The following AKAP8L variants were observed in gnomAD, a reference collection of about 807,000 sequenced individuals.
AKAP8L encodes A-kinase anchor protein 8-like.
In AKAP8L, 34 loss-of-function variants were observed where a neutral mutation model predicts 77.5. The observed-to-expected ratio is 0.44, with a 90% CI of 0.33 to 0.58. The LOEUF is 0.58. AKAP8L is among the 20% of genes least tolerant of loss of function. AKAP8L has a pLI of 0.02. For missense variants in AKAP8L, 806 were observed against 887.6 expected (o/e 0.91, Z 1.17); for synonymous variants, 342 against 340.7 (o/e 1.00, Z -0.04).
intron 12 of AKAP8L, among the ~76,000 whole-genome samples, chr19:15,383,993 C>G (rs1463933885): frequency 1.6e-5 from 2 of 128,282 alleles, no homozygotes; most frequent in Non-Finnish European, 3.1e-5. Context: ...AATGCAGTGG[C>G]ATGATCTCAG....
Position 15,399,607 on chromosome 19 carries a change from T to TG in AKAP8L, c.1049-198dup. 3.4e-6 allele frequency: 2 copies of TG among 591,990 alleles called. No homozygotes were observed. Among genetic ancestry groups the TG allele is most frequent in the Non-Finnish European group, 6.0e-6 (2 of 331,068 alleles). 36.7% of individuals were successfully genotyped at this position (591,990 alleles called of 1,614,324 possible). On this transcript the variant is annotated intron_variant, in intron 8 of 13. Coordinates refer to ENST00000397410, the MANE Select transcript of AKAP8L (RefSeq NM_014371.4). This position sits in a 1 kb window ranked among gnomAD's most constrained non-coding sequence, Gnocchi z 6.1. ...TGGGTTTGGCCTAGGCCCCAAGGAG[T>TG]GGGGGCCAGGCGATGACCCCTCCAC...
At chr19:15,383,456 A>G (rs541780334) in intron 12 of AKAP8L, 2 of 152,216 alleles carry the variant, frequency 1.3e-5, no homozygotes, top group Non-Finnish European at 2.9e-5. Flanking sequence ...AGCCTCCCAA[A>G]GTGCTGGGAT....
chr19:15,406,418 T>C (rs1246691377), intron 2 of AKAP8L, among the ~76,000 whole-genome samples: 1 of 135,868 alleles, frequency 7.4e-6, no homozygotes, highest in Non-Finnish European at 1.6e-5. Context: ...TTAAAATTTA[T>C]ATATTTATTA....
chr19:15,400,589 C>G, intron 7 of AKAP8L: 1 of 736,756 alleles, frequency 1.4e-6, no homozygotes, highest in Admixed American at 2.5e-5. Context: ...ACCTGGTGCA[C>G]AGGGGCTCAT....
Position 15,401,088 on chromosome 19 carries a change from G to C in AKAP8L, c.817-45C>G, listed in dbSNP as rs372876331. The C allele has an allele frequency of 1.9e-6, 3 of 1,607,708 alleles. No individual in the cohort carries two copies. The highest frequency in any genetic ancestry group is 1.7e-5 in the Admixed American group (1 of 59,998). ...AGCCGTGTCAGGGTGCATGGCACCC[G>C]GCCCTTAGCTCCGCCCCAGTGGGAA... On this transcript the variant is annotated intron_variant, in intron 5 of 13. Coordinates refer to ENST00000397410, the MANE Select transcript of AKAP8L (RefSeq NM_014371.4). The surrounding 1 kb of genome is among the most constrained non-coding windows in gnomAD (Gnocchi z 6.2).
At chr19:15,386,035 C>T (rs1008061147) in intron 12 of AKAP8L, among the ~76,000 whole-genome samples, 1 of 151,710 alleles carries the variant, frequency 6.6e-6, no homozygotes. Context: ...CTCAGCCTCT[C>T]GAGTAGCTGG....
At chr19:15,400,153 C>A in intron 8 of AKAP8L, 142 bp downstream of exon 8, 1 of 807,428 alleles carries the variant, frequency 1.2e-6, no homozygotes, top group South Asian at 1.5e-5. Context: ...AAAAGAAAGC[C>A]CCCTGCCAGC....
chr19:15,384,547 G>T (rs999843056), intron 12 of AKAP8L, among the ~76,000 whole-genome samples: 1 of 151,160 alleles, frequency 6.6e-6, no homozygotes, highest in Non-Finnish European at 1.5e-5. Context: ...CAATCCACCC[G>T]CCTCAGCCTC....
At position 15,403,293 on chromosome 19, in the gene AKAP8L, G is replaced by A. The variant is rs1048717535; in HGVS notation, c.362+182C>T. ...ACCAGGCAGTGCGGCAGGGGTTGAG[G>A]GTGGGTGAGAGGAGACACAAGTCAG... On this transcript the variant is annotated intron_variant, in intron 4 of 13. Coordinates refer to ENST00000397410, the MANE Select transcript of AKAP8L (RefSeq NM_014371.4). The surrounding 1 kb of genome is among the most constrained non-coding windows in gnomAD (Gnocchi z 4.3). 3.2e-6 allele frequency: 2 copies of A among 620,940 alleles called. No homozygotes were observed. Among genetic ancestry groups the A allele is most frequent in the South Asian group, 1.9e-5 (1 of 53,080 alleles). The allele number at this position is 620,940 out of a possible 1,614,324, so 38.5% of individuals were successfully genotyped here.
chr19:15,401,262 C>A lies in AKAP8L; in HGVS notation c.704G>T (p.Gly235Val), dbSNP rs1375568763. The change falls in exon 5 of 14, where the codon GGC (glycine) becomes GTC (valine). Residue 235 changes from glycine to valine, a missense_variant. By Grantham distance (109) the Gly-to-Val change is moderately radical (BLOSUM62 -3). Around this residue, in one of 2 missense-constraint regions of AKAP8L, gnomAD observed 580 missense variants for 694.1 expected, o/e 0.84. Coordinates refer to ENST00000397410, the MANE Select transcript of AKAP8L (RefSeq NM_014371.4). The surrounding 1 kb of genome is among the most constrained non-coding windows in gnomAD (Gnocchi z 6.2). ...NIIPEYGMFQ[G>V]MRGGGAFPGG... ...CGGGAAGGCGCCCCCACCTCGCATGCCCTGGAACATGCCGTACTCGGGGAT... is the reference window on the plus strand; with the variant it reads ...CGGGAAGGCGCCCCCACCTCGCATGACCTGGAACATGCCGTACTCGGGGAT... 2.5e-6 allele frequency: 4 copies of A among 1,613,874 alleles called. No individual in the cohort carries two copies. The highest frequency in any genetic ancestry group is 3.4e-6 in the Non-Finnish European group (4 of 1,179,890).
chr19:15,382,726 C>T (rs938525004), intron 12 of AKAP8L, among the ~76,000 whole-genome samples: 5 of 152,210 alleles, frequency 3.3e-5, no homozygotes, highest in Non-Finnish European at 7.3e-5. Context: ...CAGCTACTCT[C>T]ATGAGGCTGA....
intron 12 of AKAP8L, among the ~76,000 whole-genome samples, chr19:15,388,006 C>T (rs779830777): frequency 5.3e-5 from 8 of 151,928 alleles, no homozygotes; most frequent in Non-Finnish European, 1.2e-4. Flanking sequence ...TATAAAGGAG[C>T]CCAAATTTAA....
chr19:15,404,762 T>C (rs1967964597), intron 2 of AKAP8L, among the ~76,000 whole-genome samples: 1 of 152,178 alleles, frequency 6.6e-6, no homozygotes, highest in Non-Finnish European at 1.5e-5. Flanking sequence ...GCAGAGGACA[T>C]GCTCATCCCA....
In AKAP8L at chr19:15,397,363, C is replaced by A; in HGVS notation, c.1406-83G>T. On this transcript the variant is annotated intron_variant, in intron 11 of 13. Coordinates refer to ENST00000397410, the MANE Select transcript of AKAP8L (RefSeq NM_014371.4). This position sits in a 1 kb window ranked among gnomAD's most constrained non-coding sequence, Gnocchi z 4.7. ...GTTCGAGAAAAAAACCACACCAGCT[C>A]CTCCTCAACTCGCCCTGCCACTTCC... 1 of 1,552,146 alleles carries A rather than the reference C, an allele frequency of 6.4e-7. No individual in the cohort carries two copies. Among genetic ancestry groups the A allele is most frequent in the Non-Finnish European group, 8.8e-7 (1 of 1,139,278 alleles).
chr19:15,401,210 A>T lies in AKAP8L; in HGVS notation c.756T>A (p.Phe252Leu). ...FPGGSRFGFG[F>L]GNGMKQMRRT... ...GCCTCATCTGCTTCATGCCATTGCCAAACCCGAAACCAAAGCGGGAGCCGC... is the reference window on the plus strand; with the variant it reads ...GCCTCATCTGCTTCATGCCATTGCCTAACCCGAAACCAAAGCGGGAGCCGC... The change falls in exon 5 of 14, where the codon TTT becomes TTA. Residue 252 changes from phenylalanine (F) to leucine (L), a missense_variant. Phe to Leu is a conservative substitution (Grantham distance 22, BLOSUM62 0). Transcript: ENST00000397410. The surrounding 1 kb of genome is among the most constrained non-coding windows in gnomAD (Gnocchi z 6.2). 6.2e-7 allele frequency: 1 copy of T among 1,612,448 alleles called. No individual in the cohort carries two copies. The highest frequency in any genetic ancestry group is 8.5e-7 in the Non-Finnish European group (1 of 1,179,196).
At chr19:15,390,154 G>A (rs1967631256) in intron 12 of AKAP8L, among the ~76,000 whole-genome samples, 1 of 152,200 alleles carries the variant, frequency 6.6e-6, no homozygotes, top group South Asian at 2.1e-4. Flanking sequence ...AGTGGCTCAT[G>A]CCTATAATCC....
intron 1 of AKAP8L, among the ~76,000 whole-genome samples, chr19:15,412,794 G>A (rs1369685368): frequency 6.6e-6 from 1 of 152,162 alleles, no homozygotes; most frequent in African/African-American, 2.4e-5. Flanking sequence ...CGCCCGCCTT[G>A]GCCTCCCAAA....
intron 1 of AKAP8L, among the ~76,000 whole-genome samples, 175 bp from the exon 2 acceptor site, chr19:15,410,769 G>C (rs922891391): frequency 1.3e-5 from 2 of 152,162 alleles, no homozygotes; most frequent in Non-Finnish European, 2.9e-5. Flanking sequence ...CCAATGGAAA[G>C]GCAGGCTATG....
chr19:15,413,952 T>G (rs1176395350), intron 1 of AKAP8L, among the ~76,000 whole-genome samples: 1 of 152,126 alleles, frequency 6.6e-6, no homozygotes, highest in African/African-American at 2.4e-5. Flanking sequence ...ATCTCTGCTC[T>G]AACTCTATAC....
Sources: allele counts gnomAD v4.1 joint callset (sites outside exome capture counted in the v4.1 genomes callset), GRCh38; gene constraint gnomAD v4.1.1; regional missense constraint gnomAD v4.1.1; non-coding constraint Gnocchi (gnomAD v3.1); transcripts MANE v1.5; gene names NCBI Gene and HGNC (gene_info 2026-07-23, HGNC 2026-07-21).